WWOX: variants seen among roughly 807,000 people sequenced by gnomAD.
WWOX encodes WW domain-containing oxidoreductase.
A neutral mutation model predicts 46.2 loss-of-function variants in WWOX; 69 were observed. The observed-to-expected ratio is 1.49, with a 90% CI of 1.23 to 1.82. The LOEUF is 1.82. Ranked by LOEUF, WWOX falls within the 40% of genes most tolerant of loss-of-function variation. The pLI, the probability that WWOX is intolerant of heterozygous loss-of-function variation, is 0.00. For synonymous variants in WWOX, 359 were observed against 202.6 expected, an observed-to-expected ratio of 1.77 and a Z score of -6.56; for missense variants, 919 against 542.6, an observed-to-expected ratio of 1.69 and a Z score of -6.89.
At chr16:78,847,139 T>A (rs2052320703) in intron 8 of WWOX, among the ~76,000 whole-genome samples, 1 of 152,194 alleles carries the variant, frequency 6.6e-6, no homozygotes, top group African/African-American at 2.4e-5. Flanking sequence ...TGGAATTAAC[T>A]CATTCTCCAT....
At chr16:78,617,866 C>T (rs996988290) in intron 8 of WWOX, among the ~76,000 whole-genome samples, 1 of 152,190 alleles carries the variant, frequency 6.6e-6, no homozygotes, top group Non-Finnish European at 1.5e-5. Flanking sequence ...ACATTTCTGT[C>T]AAAATATGAA....
chr16:78,960,938 A>T (rs944902192), intron 8 of WWOX, among the ~76,000 whole-genome samples: 3 of 152,184 alleles, frequency 2.0e-5, no homozygotes, highest in Non-Finnish European at 2.9e-5. Flanking sequence ...TTGGGTCCCA[A>T]ATTATCTTAG....
chr16:78,459,883 C>T lies in WWOX; in HGVS notation c.1056+27131C>T, dbSNP rs912389292. Among the ~76,000 whole-genome samples, 2 of 151,724 alleles carry T rather than the reference C, an allele frequency of 1.3e-5. 1 individual carries two copies. On this transcript the variant is annotated intron_variant, in intron 8 of 8. Transcript: ENST00000566780. ...GCAGTGGTGCAATCATGGCTCACTG[C>T]AGTCTTGACCACCCTGGCTCAGGTG...
chr16:79,146,234 CTT>C (rs2050180688), intron 8 of WWOX, among the ~76,000 whole-genome samples: 1 of 152,112 alleles, frequency 6.6e-6, no homozygotes, highest in East Asian at 1.9e-4. Flanking sequence ...CAAAAAGAGT[CTT>C]TTGCATTTTT....
chr16:78,659,542 G>GA (rs199579597), intron 8 of WWOX, among the ~76,000 whole-genome samples: 1,711 of 150,794 alleles, frequency 0.011, 21 homozygotes, highest in Non-Finnish European at 0.019. Context: ...TGCCAGATAA[G>GA]AAAAAAAAAC....
Position 78,919,603 on chromosome 16 carries a change from C to T in WWOX, c.1057-292005C>T, listed in dbSNP as rs149910171. ...CGCGATCTCAGCTCACTACAACCTCCGCCTCCCGGGATCAAGCGATTCTCC... is the reference window on the plus strand; with the variant it reads ...CGCGATCTCAGCTCACTACAACCTCTGCCTCCCGGGATCAAGCGATTCTCC... On this transcript the variant is annotated intron_variant, in intron 8 of 8. Transcript: ENST00000566780. 3.7e-3 allele frequency among the ~76,000 whole-genome samples: 561 copies of T among 151,354 alleles called. 9 individuals carry two copies. The highest frequency in any genetic ancestry group is 0.013 in the African/African-American group (516 of 41,222).
chr16:78,459,331 C>G (rs1201592628), intron 8 of WWOX, among the ~76,000 whole-genome samples: 1 of 152,134 alleles, frequency 6.6e-6, no homozygotes, highest in African/African-American at 2.4e-5. Flanking sequence ...ACATGGTATC[C>G]CCAGCATTTT....
chr16:78,399,092 A>AG (rs1013212928), intron 6 of WWOX, among the ~76,000 whole-genome samples: 1 of 150,404 alleles, frequency 6.6e-6, no homozygotes, highest in South Asian at 2.1e-4. Flanking sequence ...GATGGATGGA[A>AG]GGGGTGGAAG....
At chr16:78,421,096 G>A (rs568257263) in intron 6 of WWOX, among the ~76,000 whole-genome samples, 51 of 152,136 alleles carry the variant, frequency 3.4e-4, no homozygotes, top group Middle Eastern at 3.4e-3. Context: ...GGGCATAAAC[G>A]TTTATATGAA....
intron 8 of WWOX, among the ~76,000 whole-genome samples, chr16:78,577,256 G>T (rs2044907391): frequency 6.6e-6 from 1 of 152,210 alleles, no homozygotes; most frequent in Non-Finnish European, 1.5e-5. Flanking sequence ...GATGGAAAAT[G>T]AATATTTGCT....
At chr16:78,289,540 T>G (rs2079826466) in intron 5 of WWOX, among the ~76,000 whole-genome samples, 1 of 152,246 alleles carries the variant, frequency 6.6e-6, no homozygotes, top group Non-Finnish European at 1.5e-5. Flanking sequence ...AGGGAAGTAC[T>G]TTTCCCAACA....
intron 8 of WWOX, among the ~76,000 whole-genome samples, chr16:78,976,679 C>G (rs182770792): frequency 3.3e-5 from 5 of 152,166 alleles, no homozygotes; most frequent in Admixed American, 1.3e-4. Context: ...ATAAAATAAT[C>G]CAAAGAGAAA....
At chr16:79,157,725 T>C (rs2050409188) in intron 8 of WWOX, among the ~76,000 whole-genome samples, 1 of 152,192 alleles carries the variant, frequency 6.6e-6, no homozygotes. Context: ...CTTTACAGTT[T>C]GCAAGGGAAG....
intron 6 of WWOX, among the ~76,000 whole-genome samples, chr16:78,392,291 G>A (rs962582959): frequency 2.6e-5 from 4 of 152,002 alleles, no homozygotes; most frequent in Admixed American, 2.0e-4. Flanking sequence ...CACATGCAAG[G>A]GATCTAGGCT....
chr16:78,975,880 T>C (rs2151328048), intron 8 of WWOX, among the ~76,000 whole-genome samples: 1 of 152,292 alleles, frequency 6.6e-6, no homozygotes, highest in East Asian at 1.9e-4. Context: ...ACCAAACCTC[T>C]TCCAGCTTTC....
At chr16:78,200,826 G>A (rs1207797074) in intron 5 of WWOX, among the ~76,000 whole-genome samples, 1 of 152,144 alleles carries the variant, frequency 6.6e-6, no homozygotes, top group Non-Finnish European at 1.5e-5. Flanking sequence ...GATGGGCTGT[G>A]CTGGAGGGGA....
chr16:78,402,460 T>A (rs1389601664), intron 6 of WWOX, among the ~76,000 whole-genome samples: 1 of 152,182 alleles, frequency 6.6e-6, no homozygotes, highest in Admixed American at 6.5e-5. Context: ...TTATACCTTA[T>A]TTGTAAACAT....
chr16:78,825,265 G>A, intron 8 of WWOX: 2 of 256,790 alleles, frequency 7.8e-6, no homozygotes, highest in Non-Finnish European at 1.6e-5. Context: ...TCCTTTTGAT[G>A]GTGTGCAGCA....
intron 8 of WWOX, among the ~76,000 whole-genome samples, chr16:79,151,998 A>G (rs753564367): frequency 3.3e-5 from 5 of 152,220 alleles, no homozygotes; most frequent in East Asian, 3.8e-4. Flanking sequence ...CGAAGGGGGA[A>G]CTAGTTTTCA....
Sources: allele counts gnomAD v4.1 joint callset (sites outside exome capture counted in the v4.1 genomes callset), GRCh38; gene constraint gnomAD v4.1.1; transcripts MANE v1.5; gene names NCBI Gene and HGNC (gene_info 2026-07-23, HGNC 2026-07-21).